FBXL18: variants seen among roughly 807,000 people sequenced by gnomAD.
FBXL18 encodes the protein F-box and leucine rich repeat protein 18.
In FBXL18, 36 loss-of-function variants were observed where a neutral mutation model predicts 46.0. That is an observed-to-expected ratio of 0.78 (90% CI 0.60 to 1.03). The LOEUF (loss-of-function observed/expected upper bound fraction) is 1.03. Ranked by LOEUF, FBXL18 falls within the 50% of genes least tolerant of loss-of-function variation. The probability of loss-of-function intolerance (pLI) is 0.00; values close to 1 mark genes in which losing one functional copy is unlikely to be tolerated. For synonymous variants in FBXL18, 557 were observed against 465.3 expected, an observed-to-expected ratio of 1.20 and a Z score of -2.54; for missense variants, 977 against 1,004.1, an observed-to-expected ratio of 0.97 and a Z score of 0.36.
rs191007961 is a variant in FBXL18 at position 5,498,005 on chromosome 7, C to G, written c.1781+2483G>C. ...TAAGCCCTGCCTCCACTTTCTCCCC[C>G]ACCCAGTCCCTGGTAGTACTGAGGC... On this transcript the variant is annotated intron_variant, in intron 3 of 4. Coordinates refer to ENST00000382368, the MANE Select transcript of FBXL18 (RefSeq NM_024963.6). Among the ~76,000 whole-genome samples, 1,163 of 152,272 alleles carry G rather than the reference C, an allele frequency of 7.6e-3. 12 individuals are homozygous for G. The highest frequency in any genetic ancestry group is 0.017 in the Middle Eastern group (5 of 294).
intron 3 of FBXL18, among the ~76,000 whole-genome samples, chr7:5,499,546 C>T (rs549115058): frequency 1.6e-4 from 25 of 151,832 alleles, no homozygotes; most frequent in South Asian, 6.2e-4. Flanking sequence ...CTGGCCAATA[C>T]TGCAAAACCC....
Position 5,496,943 on chromosome 7 carries a change from A to C in FBXL18, c.1781+3545T>G, listed in dbSNP as rs894323838. Among the ~76,000 whole-genome samples the C allele has an allele frequency of 6.6e-6, 1 of 150,870 alleles. No individual in the cohort carries two copies. The highest frequency in any genetic ancestry group is 1.5e-5 in the Non-Finnish European group (1 of 67,876). ...CTACTCTGGAGGCTGAGACAGGAGAATCGCTTGAATCCAGGAGGCAGAGGT... is the reference window on the plus strand; with the variant it reads ...CTACTCTGGAGGCTGAGACAGGAGACTCGCTTGAATCCAGGAGGCAGAGGT... On this transcript the variant is annotated intron_variant, in intron 3 of 4. Transcript: ENST00000382368. This position sits in a 1 kb window ranked among gnomAD's most constrained non-coding sequence, Gnocchi z 4.8.
intron 4 of FBXL18, among the ~76,000 whole-genome samples, chr7:5,454,602 GA>G (rs1469651107): frequency 1.3e-5 from 2 of 152,190 alleles, no homozygotes; most frequent in Admixed American, 6.6e-5. Flanking sequence ...GAAGCAGGAG[GA>G]AAGAAATGAG....
In FBXL18 at chr7:5,505,399, C is replaced by T. The variant is rs369144884; in HGVS notation, c.237+13G>A. ...TAGCTTGTTTCTCATCTCCTGCCCC[C>T]ACGCCTGCTCACCTGATAGTCCTTT... On this transcript the variant is annotated intron_variant, in intron 2 of 4. Coordinates refer to ENST00000382368, the MANE Select transcript of FBXL18 (RefSeq NM_024963.6). 3.7e-6 allele frequency: 6 copies of T among 1,612,638 alleles called. No homozygotes were observed. Among genetic ancestry groups the T allele is most frequent in the South Asian group, 3.3e-5 (3 of 91,022 alleles).
Position 5,496,854 on chromosome 7 carries a change from C to T in FBXL18, c.1781+3634G>A, listed in dbSNP as rs1364961447. ...CAGCCTGGCCAACATGGTGAAACCC[C>T]GTCTCTACTAAAAATACAAAAAAAA... On this transcript the variant is annotated intron_variant, in intron 3 of 4. Transcript: ENST00000382368. The surrounding 1 kb of genome is among the most constrained non-coding windows in gnomAD (Gnocchi z 4.8). Among the ~76,000 whole-genome samples, 2 of 151,692 alleles carry T rather than the reference C, an allele frequency of 1.3e-5. No individual in the cohort carries two copies. Among genetic ancestry groups the T allele is most frequent in the African/African-American group, 4.8e-5 (2 of 41,292 alleles).
intron 3 of FBXL18, among the ~76,000 whole-genome samples, chr7:5,494,415 G>T (rs1277130298): frequency 6.6e-6 from 1 of 152,116 alleles, no homozygotes; most frequent in Non-Finnish European, 1.5e-5. Context: ...CTAGGTGACA[G>T]AGCGAGACTC....
Position 5,502,019 on chromosome 7 carries a change from T to C in FBXL18, c.250A>G (p.Lys84Glu), listed in dbSNP as rs780811494. ...LQKDYQASED[K>E]VRQLVKEIGR... ...ATCTCCTTCACCAGCTGCCTCACTT[T>C]GTCCTCGCTCGCCTGCGGGACAGAG... The change falls in exon 3 of 5, where the codon AAA (lysine) becomes GAA (glutamate). Residue 84 changes from lysine (K) to glutamate (E), a missense_variant. By Grantham distance (56) the Lys-to-Glu change is moderately conservative. Coordinates refer to ENST00000382368, the MANE Select transcript of FBXL18 (RefSeq NM_024963.6). 1.3e-5 allele frequency: 21 copies of C among 1,596,508 alleles called. No homozygotes were observed. In the East Asian group the frequency reaches 4.7e-4, roughly 36 times the overall value.
At chr7:5,469,614 T>C (rs1218134545) in intron 4 of FBXL18, among the ~76,000 whole-genome samples, 6 of 150,580 alleles carry the variant, frequency 4.0e-5, no homozygotes, top group Non-Finnish European at 7.4e-5. Context: ...GTGTGTGGTG[T>C]GGGTGTGAGT....
intron 4 of FBXL18, among the ~76,000 whole-genome samples, chr7:5,466,027 AG>A (rs1783335640): frequency 6.6e-6 from 1 of 152,086 alleles, no homozygotes; most frequent in Non-Finnish European, 1.5e-5. Context: ...CATGTTGGGC[AG>A]GCTGGTCTTG....
Position 5,486,880 on chromosome 7 carries a change from C to T in FBXL18, c.2000+4351G>A, listed in dbSNP as rs745709924. Among the ~76,000 whole-genome samples the T allele has an allele frequency of 9.9e-4, 151 of 152,356 alleles. 1 individual carries two copies. Among genetic ancestry groups the T allele is most frequent in the Non-Finnish European group, 1.8e-3 (122 of 68,028 alleles). The stretch of plus-strand genomic sequence containing the variant: ...GCCACCCAGGGAGAGGACGGGTGAG[C>T]CGCACAACAGCCCGGGGCCAGGTCC... On this transcript the variant is annotated intron_variant, in intron 4 of 4. Coordinates refer to ENST00000382368, the MANE Select transcript of FBXL18 (RefSeq NM_024963.6).
At position 5,477,566 on chromosome 7, in the gene FBXL18, A is replaced by G. The variant is rs1309846324; in HGVS notation, c.*4209T>C. ...AAAATACAAAAATTAGCCGGTCATG[A>G]TGGCAGGTGCCTGTAATCCCAGCTA... On this transcript the variant is annotated 3_prime_UTR_variant, in exon 5 of 5. Coordinates refer to ENST00000382368, the MANE Select transcript of FBXL18 (RefSeq NM_024963.6). The surrounding 1 kb of genome is among the most constrained non-coding windows in gnomAD (Gnocchi z 4.4). 6.6e-6 allele frequency among the ~76,000 whole-genome samples: 1 copy of G among 152,050 alleles called. No homozygotes were observed. Among genetic ancestry groups the G allele is most frequent in the Non-Finnish European group, 1.5e-5 (1 of 68,000 alleles).
At chr7:5,483,613 G>T (rs1421581799) in intron 4 of FBXL18, among the ~76,000 whole-genome samples, 1 of 151,700 alleles carries the variant, frequency 6.6e-6, no homozygotes, top group Non-Finnish European at 1.5e-5. Context: ...GCATGGTGGT[G>T]CATGCCTGTA....
chr7:5,503,991 T>C (rs1343790340), intron 2 of FBXL18, among the ~76,000 whole-genome samples: 2 of 146,350 alleles, frequency 1.4e-5, no homozygotes, highest in Non-Finnish European at 3.0e-5. Flanking sequence ...ATGCTCTGGA[T>C]GTACACCGAG....
downstream of FBXL18, among the ~76,000 whole-genome samples, chr7:5,474,504 C>G (rs959706476): frequency 1.3e-5 from 2 of 151,460 alleles, no homozygotes; most frequent in African/African-American, 2.4e-5. Flanking sequence ...TTTGTAGAGA[C>G]AAGGTCTGAC....
chr7:5,492,005 A>G (rs1419079109), intron 3 of FBXL18, among the ~76,000 whole-genome samples: 1 of 151,644 alleles, frequency 6.6e-6, no homozygotes, highest in African/African-American at 2.4e-5. Flanking sequence ...GGGCCACTTC[A>G]GCCACGACAG....
Position 5,479,469 on chromosome 7 carries a change from C to CCAGGAGGCACCACACCACCCGGCGAT in FBXL18, c.*2305_*2306insATCGCCGGGTGGTGTGGTGCCTCCTG, listed in dbSNP as rs1562682316. ...GTCGGAGAGCAAGAAGTGGTCAGTC[C>CCAGGAGGCACCACACCACCCGGCGAT]CAGGAGGCACCACACCACCCGATCT... On this transcript the variant is annotated 3_prime_UTR_variant, in exon 5 of 5. Transcript: ENST00000382368. 1 of 152,214 alleles carries CCAGGAGGCACCACACCACCCGGCGAT rather than the reference C, an allele frequency of 6.6e-6. No individual in the cohort carries two copies. The highest frequency in any genetic ancestry group is 1.5e-5 in the Non-Finnish European group (1 of 68,090). 9.4% of individuals were successfully genotyped at this position (152,214 alleles called of 1,614,324 possible). A position where few individuals can be genotyped will look rare whatever the true frequency, so the allele number is the denominator to read the frequency against.
At chr7:5,484,639 A>ATTT (rs571301335) in intron 4 of FBXL18, among the ~76,000 whole-genome samples, 12 of 137,632 alleles carry the variant, frequency 8.7e-5, no homozygotes, top group African/African-American at 1.9e-4. Flanking sequence ...TGACCAGCTA[A>ATTT]TTTTTTTTTT....
chr7:5,511,338 G>A (rs973085533), intron 1 of FBXL18, among the ~76,000 whole-genome samples: 1 of 152,122 alleles, frequency 6.6e-6, no homozygotes, highest in African/African-American at 2.4e-5. Flanking sequence ...CAGCACTATG[G>A]GAGGCCAAGG....
intron 1 of FBXL18, among the ~76,000 whole-genome samples, chr7:5,506,287 C>T (rs1347062588): frequency 1.4e-5 from 2 of 140,694 alleles, no homozygotes; most frequent in Non-Finnish European, 3.1e-5. Flanking sequence ...CTTGCTTTGT[C>T]ACCCAGGGTG....
Sources: allele counts gnomAD v4.1 joint callset (sites outside exome capture counted in the v4.1 genomes callset), GRCh38; gene constraint gnomAD v4.1.1; non-coding constraint Gnocchi (gnomAD v3.1); transcripts MANE v1.5; gene names NCBI Gene and HGNC (gene_info 2026-07-23, HGNC 2026-07-21).